ADAM2: variants seen among roughly 807,000 people sequenced by gnomAD.
The protein encoded by ADAM2 is disintegrin and metalloproteinase domain-containing protein 2.
ADAM2 carries 101 observed loss-of-function variants against 99.3 expected under a neutral mutation model. That is an observed-to-expected ratio of 1.02 (90% CI 0.87 to 1.20). ADAM2 has a LOEUF of 1.20. ADAM2 is among the 50% of genes most tolerant of loss of function. The probability of loss-of-function intolerance (pLI) is 0.00; values close to 1 mark genes in which losing one functional copy is unlikely to be tolerated. For missense variants in ADAM2, 948 were observed against 878.7 expected (o/e 1.08, Z -1.00); for synonymous variants, 323 against 287.6 (o/e 1.12, Z -1.25).
intron 2 of ADAM2, among the ~76,000 whole-genome samples, chr8:39,836,580 CAGAAATGGATTCT>C (rs1805834059): frequency 1.3e-5 from 2 of 151,768 alleles, no homozygotes; most frequent in South Asian, 4.2e-4. Context: ...CATTCCACTT[CAGAAATGGATTCT>C]AGAACTTAGT....
intron 1 of ADAM2, 46 bp downstream of exon 1, chr8:39,838,085 A>C: frequency 1.3e-6 from 2 of 1,591,776 alleles, no homozygotes; most frequent in Non-Finnish European, 1.7e-6. Flanking sequence ...AAGGGAGAGT[A>C]GCGCTGAGGG....
chr8:39,802,819 C>T (rs952796091), intron 7 of ADAM2, among the ~76,000 whole-genome samples: 1 of 151,776 alleles, frequency 6.6e-6, no homozygotes, highest in African/African-American at 2.4e-5. Flanking sequence ...CCTCTGAACT[C>T]AGAGAAAAAA....
intron 3 of ADAM2, among the ~76,000 whole-genome samples, chr8:39,826,617 G>A (rs1219983016): frequency 6.6e-6 from 1 of 151,958 alleles, no homozygotes; most frequent in Non-Finnish European, 1.5e-5. Flanking sequence ...CAGCTACTTG[G>A]GAGGCTGAGG....
intron 18 of ADAM2, among the ~76,000 whole-genome samples, chr8:39,748,136 T>C (rs956165796): frequency 3.3e-5 from 5 of 152,158 alleles, no homozygotes; most frequent in Non-Finnish European, 7.4e-5. Context: ...ATTTCAAATA[T>C]TGCTGATAAT....
intron 15 of ADAM2, among the ~76,000 whole-genome samples, chr8:39,757,672 T>C (rs1269203140): frequency 2.6e-5 from 4 of 152,150 alleles, no homozygotes; most frequent in Non-Finnish European, 4.4e-5. Flanking sequence ...TGTTTTCAGC[T>C]CCTGCTCAGA....
intron 3 of ADAM2, among the ~76,000 whole-genome samples, chr8:39,828,998 T>G (rs1321954198): frequency 6.6e-6 from 1 of 151,768 alleles, no homozygotes. Flanking sequence ...GTATAATATA[T>G]AACCATCATC....
chr8:39,749,236 A>C (rs1823602039), intron 18 of ADAM2, 76 bp downstream of exon 18: 2 of 1,361,078 alleles, frequency 1.5e-6, no homozygotes, highest in East Asian at 5.0e-5. Flanking sequence ...ATTGGTAGAC[A>C]AAATATTATT....
intron 11 of ADAM2, among the ~76,000 whole-genome samples, chr8:39,774,221 T>C (rs1243906421): frequency 1.3e-5 from 2 of 151,944 alleles, no homozygotes; most frequent in African/African-American, 4.8e-5. Flanking sequence ...TATTTATTGG[T>C]GAAAAGTTAC....
intron 3 of ADAM2, among the ~76,000 whole-genome samples, chr8:39,826,135 G>T (rs1163656093): frequency 1.3e-5 from 2 of 152,014 alleles, no homozygotes; most frequent in East Asian, 1.9e-4. Context: ...TAGCCAAAAC[G>T]AGCTTGACCA....
chr8:39,836,826 T>C (rs1278217481), intron 2 of ADAM2, among the ~76,000 whole-genome samples: 2 of 152,090 alleles, frequency 1.3e-5, no homozygotes. Context: ...TTCCTCCAAA[T>C]ACAGCCTGAA....
At chr8:39,817,448 T>A (rs1222218301) in intron 6 of ADAM2, among the ~76,000 whole-genome samples, 1 of 152,178 alleles carries the variant, frequency 6.6e-6, no homozygotes, top group Admixed American at 6.5e-5. Context: ...TAGTTAACAA[T>A]AATTTATTGT....
Position 39,838,137 on chromosome 8 carries a change from C to T in ADAM2, c.49G>A (p.Asp17Asn), listed in dbSNP as rs1378189901. ...LLSGLGGLRM[D>N]SNFDSLPVQI... is the part of the protein sequence containing the mutation. ...GAGGGGTTTTTCTGCTTACTACTGTCCATCCGCAGCCCGCCGAGCCCGCTG... is the reference window on the plus strand; with the variant it reads ...GAGGGGTTTTTCTGCTTACTACTGTTCATCCGCAGCCCGCCGAGCCCGCTG... The change falls in exon 1 of 21, where the codon GAC becomes AAC. Residue 17 changes from aspartate (D) to asparagine (N), a missense_variant. By Grantham distance (23) the Asp-to-Asn change is conservative (BLOSUM62 1). Transcript: ENST00000265708. The T allele has an allele frequency of 6.2e-7, 1 of 1,614,008 alleles. No individual in the cohort carries two copies. The highest frequency in any genetic ancestry group is 2.2e-5 in the East Asian group (1 of 44,874).
In ADAM2 at chr8:39,785,736, G is replaced by T. The variant is rs557524099; in HGVS notation, c.891+1238C>A. 4.6e-5 allele frequency among the ~76,000 whole-genome samples: 7 copies of T among 151,044 alleles called. No individual in the cohort carries two copies. In the East Asian group the frequency reaches 1.4e-3, roughly 30 times the overall value. The stretch of plus-strand genomic sequence containing the variant: ...GCCTGAACCCAGGGAGGTGGAGGTT[G>T]CAGTGAAACGAGATTGTGCTATTGC... On this transcript the variant is annotated intron_variant, in intron 10 of 20. Transcript: ENST00000265708.
At chr8:39,784,850 C>A (rs943806478) in intron 10 of ADAM2, among the ~76,000 whole-genome samples, 2 of 152,116 alleles carry the variant, frequency 1.3e-5, no homozygotes, top group East Asian at 1.9e-4. Flanking sequence ...TGTATGTCTT[C>A]TTTTGAGAAG....
intron 6 of ADAM2, among the ~76,000 whole-genome samples, chr8:39,814,885 A>T (rs1472003091): frequency 2.0e-5 from 3 of 151,360 alleles, no homozygotes; most frequent in African/African-American, 7.3e-5. Flanking sequence ...ACAAGCTCAA[A>T]CATGAGATAT....
At chr8:39,795,461 A>G (rs112745586) in intron 7 of ADAM2, among the ~76,000 whole-genome samples, 6 of 152,288 alleles carry the variant, frequency 3.9e-5, no homozygotes, top group African/African-American at 7.2e-5. Context: ...CTTGGTCTCC[A>G]CAACCCTTAA....
rs1563343969 is a variant in ADAM2, at chr8:39,767,139, C to T, written c.1311+14G>A. On this transcript the variant is annotated intron_variant, in intron 13 of 20. Transcript: ENST00000265708. Reference sequence around the variant, plus strand: ...TTATGTAGGTAATATTGAAATTTTTCAAAAAGCTCTTACTAGACAGTTTTC... The same window carrying T: ...TTATGTAGGTAATATTGAAATTTTTTAAAAAGCTCTTACTAGACAGTTTTC... The T allele has an allele frequency of 1.9e-6, 3 of 1,598,820 alleles. No individual in the cohort carries two copies. The highest frequency in any genetic ancestry group is 1.7e-6 in the Non-Finnish European group (2 of 1,175,216).
At position 39,755,531 on chromosome 8, in the gene ADAM2, C is replaced by T. The variant is rs547284904; in HGVS notation, c.1797+197G>A. On this transcript the variant is annotated intron_variant, in intron 16 of 20. Transcript: ENST00000265708. ...CTCTACTAAAAATACAAAAATTAGC[C>T]GGGTGTGGTGGTACCACCTGTAATC... Among the ~76,000 whole-genome samples, 9 of 152,086 alleles carry T rather than the reference C, an allele frequency of 5.9e-5. No individual in the cohort carries two copies. The East Asian group carries it at 1.4e-3, about 23-fold the overall frequency.
chr8:39,760,986 T>C (rs895930851), intron 15 of ADAM2, among the ~76,000 whole-genome samples, 190 bp downstream of exon 15: 2 of 151,810 alleles, frequency 1.3e-5, no homozygotes, highest in Non-Finnish European at 2.9e-5. Flanking sequence ...CTAAACACTT[T>C]GTGGAAAAGT....
Sources: allele counts gnomAD v4.1 joint callset (sites outside exome capture counted in the v4.1 genomes callset), GRCh38; gene constraint gnomAD v4.1.1; transcripts MANE v1.5; gene names NCBI Gene and HGNC (gene_info 2026-07-23, HGNC 2026-07-21).